Variants in SHISA9 observed in about 807,000 individuals in gnomAD.
SHISA9 encodes the protein shisa family member 9.
In SHISA9, 13 loss-of-function variants were observed where a neutral mutation model predicts 38.0. The ratio of observed to expected loss-of-function variants is 0.34; its 90% CI spans 0.22 to 0.54. The LOEUF (loss-of-function observed/expected upper bound fraction) is 0.54. SHISA9 is among the 20% of genes least tolerant of loss of function. The pLI is 0.91. For missense variants in SHISA9, 538 were observed against 575.8 expected (o/e 0.93, Z 0.67); for synonymous variants, 275 against 242.0 (o/e 1.14, Z -1.27).
chr16:13,153,008 G>C (rs1421370773), intron 2 of SHISA9, among the ~76,000 whole-genome samples: 2 of 152,174 alleles, frequency 1.3e-5, no homozygotes, highest in Non-Finnish European at 2.9e-5. Context: ...ATTAGCCACA[G>C]CTGAATATCT....
the SHISA9 span, among the ~76,000 whole-genome samples, chr16:13,257,483 A>G: frequency 6.6e-6 from 1 of 152,112 alleles, no homozygotes; most frequent in East Asian, 1.9e-4. Flanking sequence ...TCATTCATAC[A>G]CCATCATCAT....
chr16:13,227,862 G>C lies in SHISA9; in HGVS notation c.896-7168G>C, dbSNP rs1425024103. ...AGAAGGAAAGAAGGGAGACAGAAAAGAAGGCAGCTTGGTTTGGATGAATGC... is the reference window on the plus strand; with the variant it reads ...AGAAGGAAAGAAGGGAGACAGAAAACAAGGCAGCTTGGTTTGGATGAATGC... On this transcript the variant is annotated intron_variant, in intron 4 of 4. Transcript: ENST00000558583. 4.6e-5 allele frequency among the ~76,000 whole-genome samples: 7 copies of C among 152,200 alleles called. No individual in the cohort carries two copies. The South Asian group carries it at 1.4e-3, about 31-fold the overall frequency.
intron 2 of SHISA9, among the ~76,000 whole-genome samples, chr16:13,022,335 A>T (rs56008574): frequency 0.085 from 12,558 of 148,326 alleles, 660 homozygotes; most frequent in East Asian, 0.26. Context: ...CATTAAAAAA[A>T]TTTTTTTTTT....
the SHISA9 span, among the ~76,000 whole-genome samples, chr16:13,443,582 C>G: frequency 6.6e-6 from 1 of 152,088 alleles, no homozygotes; most frequent in African/African-American, 2.4e-5. Context: ...TGGGACATAC[C>G]CCTCTGATCA....
At chr16:13,285,304 C>T in the SHISA9 span, among the ~76,000 whole-genome samples, 1 of 151,964 alleles carries the variant, frequency 6.6e-6, no homozygotes, top group East Asian at 1.9e-4. Flanking sequence ...AGATTCATTC[C>T]AATGTGTGGT....
chr16:13,026,309 A>G (rs909948761), intron 2 of SHISA9, among the ~76,000 whole-genome samples: 1 of 152,184 alleles, frequency 6.6e-6, no homozygotes, highest in African/African-American at 2.4e-5. Context: ...TCCTTATTGA[A>G]GTGGAATCAT....
At chr16:13,221,051 A>T (rs1051096614) in intron 4 of SHISA9, among the ~76,000 whole-genome samples, 12 of 151,990 alleles carry the variant, frequency 7.9e-5, no homozygotes, top group Admixed American at 7.9e-4. Context: ...AAAAAATCAC[A>T]GTACCACCGC....
the SHISA9 span, among the ~76,000 whole-genome samples, chr16:13,368,306 A>G: frequency 6.6e-6 from 1 of 152,182 alleles, no homozygotes; most frequent in Non-Finnish European, 1.5e-5. Context: ...GAATTTTGGT[A>G]GCACAGGTAG....
In SHISA9 at chr16:13,067,319, G is replaced by T. The variant is rs906624332; in HGVS notation, c.692-136075G>T. On this transcript the variant is annotated intron_variant, in intron 2 of 4. Coordinates refer to ENST00000558583, the MANE Select transcript of SHISA9 (RefSeq NM_001145204.3). ...TAGATGGGAAGTGGCTTGCATAGGT[G>T]CCCAGAAGCTGGGCTCTGGCATTTG... 1.2e-4 allele frequency among the ~76,000 whole-genome samples: 18 copies of T among 152,204 alleles called. 1 individual carries two copies.
At chr16:13,420,299 T>C in the SHISA9 span, among the ~76,000 whole-genome samples, 1 of 142,700 alleles carries the variant, frequency 7.0e-6, no homozygotes, top group Admixed American at 7.1e-5. Context: ...AGGCGTTTAC[T>C]GTAGGCTGAT....
At chr16:13,080,378 A>C (rs1232373668) in intron 2 of SHISA9, among the ~76,000 whole-genome samples, 1 of 152,220 alleles carries the variant, frequency 6.6e-6, no homozygotes, top group East Asian at 1.9e-4. Context: ...GTCTCAAAAA[A>C]ATAAATAAAT....
the SHISA9 span, among the ~76,000 whole-genome samples, chr16:13,264,135 A>G: frequency 2.6e-5 from 4 of 151,096 alleles, no homozygotes; most frequent in Non-Finnish European, 5.9e-5. Flanking sequence ...CTACAACTCA[A>G]TAGGGGAGTT....
chr16:13,435,479 G>A, the SHISA9 span, among the ~76,000 whole-genome samples: 1 of 152,218 alleles, frequency 6.6e-6, no homozygotes, highest in East Asian at 1.9e-4. Flanking sequence ...TTGTTCCAGT[G>A]GGGGTTTTTG....
the SHISA9 span, among the ~76,000 whole-genome samples, chr16:13,307,521 G>A: frequency 2.6e-5 from 4 of 152,134 alleles, no homozygotes; most frequent in Non-Finnish European, 5.9e-5. Flanking sequence ...AGGGGCTGAT[G>A]CCAACCATTA....
intron 2 of SHISA9, among the ~76,000 whole-genome samples, chr16:12,929,366 A>T (rs1321877181): frequency 6.6e-6 from 1 of 152,232 alleles, no homozygotes; most frequent in Non-Finnish European, 1.5e-5. Flanking sequence ...AATATTCACA[A>T]TAGTAAAGAC....
intron 2 of SHISA9, among the ~76,000 whole-genome samples, chr16:13,030,363 T>C (rs2072976369): frequency 6.6e-6 from 1 of 152,162 alleles, no homozygotes; most frequent in Non-Finnish European, 1.5e-5. Context: ...GCCACCCAGC[T>C]TTCTCATTCC....
At chr16:13,531,558 A>C in the SHISA9 span, among the ~76,000 whole-genome samples, 1 of 149,198 alleles carries the variant, frequency 6.7e-6, no homozygotes, top group Admixed American at 6.7e-5. Flanking sequence ...AAAAAGAAGA[A>C]GATCACAAAG....
At chr16:13,550,577 A>T in the SHISA9 span, among the ~76,000 whole-genome samples, 2 of 152,208 alleles carry the variant, frequency 1.3e-5, no homozygotes, top group African/African-American at 4.8e-5. Context: ...ATGAAGCAAG[A>T]TTCTGTGGGT....
At chr16:13,008,662 C>T (rs1242158596) in intron 2 of SHISA9, among the ~76,000 whole-genome samples, 4 of 29,172 alleles carry the variant, frequency 1.4e-4, no homozygotes, top group African/African-American at 2.8e-4. Context: ...TCCCTCCCTC[C>T]CTTCCTCCCT....
Sources: gnomAD v4.1 joint callset for allele counts (sites outside exome capture counted in the v4.1 genomes callset) on GRCh38, gnomAD v4.1.1 for gene constraint, MANE v1.5 for transcripts, NCBI Gene and HGNC (gene_info 2026-07-23, HGNC 2026-07-21) for gene names.